MYH7B: variants seen among roughly 807,000 people sequenced by gnomAD.
MYH7B encodes myosin heavy chain 7B, also known as myosin-7B.
Under a neutral mutation model 234.5 loss-of-function variants are expected in MYH7B, and 205 were observed. The observed-to-expected ratio is 0.87, with a 90% CI of 0.78 to 0.98. MYH7B has a LOEUF of 0.98. Ranked by LOEUF, MYH7B falls within the 50% of genes least tolerant of loss-of-function variation. The pLI is 0.00. For synonymous variants in MYH7B, 1,193 were observed against 1,105.0 expected (o/e 1.08, Z -1.58); for missense variants, 2,652 against 2,633.4 (o/e 1.01, Z -0.15).
Position 34,986,092 on chromosome 20 carries a change from C to T in MYH7B, c.806-8C>T, listed in dbSNP as rs1178082663. 1 of 1,571,602 alleles carries T rather than the reference C, an allele frequency of 6.4e-7. No individual in the cohort carries two copies. The highest frequency in any genetic ancestry group is 1.3e-5 in the African/African-American group (1 of 74,136). On this transcript the variant is annotated splice_region_variant and splice_polypyrimidine_tract_variant and intron_variant, in intron 13 of 44. Coordinates refer to ENST00000262873, the Ensembl canonical transcript of MYH7B. ...GGGAGATGGCAGGCCAGCGTCCCTT[C>T]TCCCCAGATCTCCTGGAGAAGTCGC...
At chr20:35,002,299 C>T in exon 45 of MYH7B, 2 of 1,248,968 alleles carry the variant, frequency 1.6e-6, no homozygotes, top group Non-Finnish European at 1.1e-6. Flanking sequence ...CTTCAGCCTT[C>T]CCTGGGCCCT....
chr20:34,979,835 T>TGGGGCTTGTATGTGGGGC, intron 7 of MYH7B, 31 bp downstream of exon 7: 5 of 1,584,936 alleles, frequency 3.2e-6, no homozygotes, highest in Middle Eastern at 1.7e-4. Context: ...ATGGGCGGGG[T>TGGGGCTTGTATGTGGGGC]GGGGCTTGTA....
chr20:35,000,641 G>T (rs772820615), exon 39 of MYH7B: 19 of 1,581,218 alleles, frequency 1.2e-5, no homozygotes, highest in Non-Finnish European at 1.6e-5. Context: ...GACTGGCAGA[G>T]CAGGAGCTTT....
rs1404431137 is a variant in MYH7B, at chr20:34,997,272, G to T, written c.3379G>T (p.Glu1127Ter). 6.4e-7 allele frequency: 1 copy of T among 1,558,230 alleles called. No homozygotes were observed. Among genetic ancestry groups the T allele is most frequent in the Non-Finnish European group, 8.7e-7 (1 of 1,152,296 alleles). ...CCAGGCTCGGGCGGAGGAGCTGGAA[G>T]AGGAGCTGGAGGCAGAGCGGGCAGC... Residue 1127 changes from glutamate (E) to a stop codon, truncating the protein, a stop_gained, in exon 32 of 45, where the codon GAG (glutamate) becomes TAG (stop). Coordinates refer to ENST00000262873, the Ensembl canonical transcript of MYH7B. LOFTEE classifies it high-confidence loss of function.
chr20:34,971,377 GA>G (rs2081792184), intron 2 of MYH7B, among the ~76,000 whole-genome samples: 1 of 152,142 alleles, frequency 6.6e-6, no homozygotes, highest in South Asian at 2.1e-4. Flanking sequence ...GAAGATGGGG[GA>G]CAGCTGGTTC....
chr20:34,988,298 G>A, intron 19 of MYH7B, 36 bp downstream of exon 19: 1 of 1,591,540 alleles, frequency 6.3e-7, no homozygotes, highest in Non-Finnish European at 8.6e-7. Context: ...GAGGAAGGGA[G>A]GGTGTGTGTG....
chr20:34,975,452 T>A, exon 3 of MYH7B: 1 of 702,538 alleles, frequency 1.4e-6, no homozygotes, highest in Admixed American at 2.1e-5. Flanking sequence ...TGAGCTTAAG[T>A]GATGTGTCCG....
rs747676530 is a variant in MYH7B at position 34,985,139 on chromosome 20, C to T, written c.805+10C>T. 1.2e-6 allele frequency: 2 copies of T among 1,613,198 alleles called. No homozygotes were observed. The highest frequency in any genetic ancestry group is 2.2e-5 in the South Asian group (2 of 91,052). On this transcript the variant is annotated intron_variant, in intron 13 of 44. Transcript: ENST00000262873. ...GCGGATATTGACAGCTGTGAGTCAA[C>T]CCCCTGCGGGCGGTGCAGGGGAAGG...
chr20:34,993,528 C>A, intron 26 of MYH7B, 58 bp downstream of exon 26: 1 of 1,468,552 alleles, frequency 6.8e-7, no homozygotes, highest in Non-Finnish European at 9.0e-7. Context: ...AGCTCCCAGA[C>A]CCACTGGCTC....
rs763552851 is a variant in MYH7B at position 34,979,814 on chromosome 20, A to G, written c.342+10A>G. On this transcript the variant is annotated intron_variant, in intron 7 of 44. Coordinates refer to ENST00000262873, the Ensembl canonical transcript of MYH7B. ...CCGCTGGATGATCTATGTGAGCCCC[A>G]GGCCCGGGCCATGGGCGGGGTGGGG... 4.3e-5 allele frequency: 69 copies of G among 1,608,686 alleles called. No homozygotes were observed. Among genetic ancestry groups the G allele is most frequent in the Non-Finnish European group, 5.6e-5 (66 of 1,177,536 alleles).
exon 6 of MYH7B, chr20:34,979,390 G>C: frequency 6.2e-7 from 1 of 1,611,486 alleles, no homozygotes. Flanking sequence ...TGCAACCCAG[G>C]GAAGAAGCGA....
At chr20:35,000,988 G>A (rs1333962458) in exon 41 of MYH7B, 8 of 1,613,724 alleles carry the variant, frequency 5.0e-6, no homozygotes, top group Non-Finnish European at 5.9e-6. Flanking sequence ...TCCCCAACAG[G>A]CGGCCATGAT....
intron 2 of MYH7B, among the ~76,000 whole-genome samples, chr20:34,974,650 TG>T (rs2081829491): frequency 6.6e-6 from 1 of 152,212 alleles, no homozygotes; most frequent in African/African-American, 2.4e-5. Flanking sequence ...CTAATTCTGT[TG>T]GTCCCTGACA....
At chr20:34,986,967 G>A (rs1482767943) in exon 15 of MYH7B, 1 of 1,613,920 alleles carries the variant, frequency 6.2e-7, no homozygotes, top group African/African-American at 1.3e-5. Context: ...ATGAATGATG[G>A]GGAGGAGCTC....
At chr20:34,980,555 C>T in intron 7 of MYH7B, 23 bp from the exon 8 acceptor site, 1 of 1,594,590 alleles carries the variant, frequency 6.3e-7, no homozygotes, top group Non-Finnish European at 8.6e-7. Context: ...ACAACATAAA[C>T]CCTACCTATA....
At chr20:34,982,538 G>C in exon 10 of MYH7B, 1 of 1,607,878 alleles carries the variant, frequency 6.2e-7, no homozygotes, top group East Asian at 2.3e-5. Context: ...CCTGGGAGAC[G>C]GGCCGGGCAA....
intron 15 of MYH7B, 65 bp from the exon 16 acceptor site, chr20:34,987,084 A>G: frequency 6.2e-7 from 1 of 1,610,492 alleles, no homozygotes; most frequent in Non-Finnish European, 8.5e-7. Context: ...GTCCCGGGGC[A>G]GTGCCTGGCT....
At chr20:34,973,167 A>G (rs2081808415) in intron 2 of MYH7B, among the ~76,000 whole-genome samples, 1 of 151,956 alleles carries the variant, frequency 6.6e-6, no homozygotes, top group South Asian at 2.1e-4. Flanking sequence ...GCTCCCCTTT[A>G]TGCCCCAGTG....
intron 2 of MYH7B, among the ~76,000 whole-genome samples, chr20:34,959,464 AT>A (rs945442446): frequency 4.2e-5 from 6 of 142,806 alleles, no homozygotes; most frequent in Non-Finnish European, 9.1e-5. Context: ...TCCTCATTTT[AT>A]TTTTTTTCTT....
Sources: gnomAD v4.1 joint callset for allele counts (sites outside exome capture counted in the v4.1 genomes callset) on GRCh38, gnomAD v4.1.1 for gene constraint, MANE v1.5 for transcripts, NCBI Gene and HGNC (gene_info 2026-07-23, HGNC 2026-07-21) for gene names.